Variants in EXOC5 observed in about 807,000 individuals in gnomAD.
The protein encoded by EXOC5 is exocyst complex component 5.
Under a neutral mutation model 90.8 loss-of-function variants are expected in EXOC5, and 17 were observed. That is an observed-to-expected ratio of 0.19 (90% confidence interval 0.13 to 0.28). EXOC5 has a LOEUF of 0.28. EXOC5 is among the 10% of genes least tolerant of loss of function. The probability of loss-of-function intolerance (pLI) is 1.00; values close to 1 mark genes in which losing one functional copy is unlikely to be tolerated. For missense variants in EXOC5, 569 were observed against 830.6 expected (o/e 0.69, Z 3.87); for synonymous variants, 260 against 270.0 (o/e 0.96, Z 0.36).
intron 4 of EXOC5, 57 bp downstream of exon 4, chr14:57,244,108 T>C: frequency 8.6e-7 from 1 of 1,168,132 alleles, no homozygotes; most frequent in South Asian, 1.3e-5. Context: ...TTGCAGCTCA[T>C]AATTAGGGCA....
intron 1 of EXOC5, among the ~76,000 whole-genome samples, chr14:57,253,063 C>A (rs1884240003): frequency 6.6e-6 from 1 of 152,080 alleles, no homozygotes; most frequent in Non-Finnish European, 1.5e-5. Flanking sequence ...TGACCTCACT[C>A]ATATGTGGAA....
intron 15 of EXOC5, among the ~76,000 whole-genome samples, chr14:57,215,912 TTAGA>T (rs1161401889): frequency 3.9e-5 from 6 of 152,106 alleles, no homozygotes; most frequent in Non-Finnish European, 8.8e-5. Context: ...TGATATGATC[TTAGA>T]TAGAGAAAAC....
At chr14:57,225,198 GAAGA>G (rs1883268675) in intron 12 of EXOC5, among the ~76,000 whole-genome samples, 2 of 152,104 alleles carry the variant, frequency 1.3e-5, no homozygotes, top group South Asian at 4.1e-4. Context: ...GTTTATCAAA[GAAGA>G]AATGCAAGGC....
intron 12 of EXOC5, among the ~76,000 whole-genome samples, chr14:57,229,421 GA>G (rs552566035): frequency 8.0e-5 from 12 of 149,474 alleles, no homozygotes; most frequent in Non-Finnish European, 1.8e-4. Context: ...AAATATTCAA[GA>G]AAAAAAAAGA....
intron 12 of EXOC5, among the ~76,000 whole-genome samples, chr14:57,229,014 G>A (rs952601652): frequency 6.6e-6 from 1 of 151,710 alleles, no homozygotes; most frequent in African/African-American, 2.4e-5. Context: ...TTATTAGAGA[G>A]GAAAATCTAA....
chr14:57,259,978 A>C (rs925075847), intron 1 of EXOC5, among the ~76,000 whole-genome samples: 4 of 152,190 alleles, frequency 2.6e-5, no homozygotes, highest in African/African-American at 9.7e-5. Flanking sequence ...CCAAAAAGGC[A>C]GGACCACCAC....
chr14:57,248,384 A>G (rs1884088750), intron 1 of EXOC5, among the ~76,000 whole-genome samples: 1 of 152,074 alleles, frequency 6.6e-6, no homozygotes, highest in African/African-American at 2.4e-5. Flanking sequence ...ATAGTTGACA[A>G]ATTAGGGTAA....
intron 13 of EXOC5, among the ~76,000 whole-genome samples, chr14:57,219,689 C>G (rs1041325561): frequency 2.0e-5 from 3 of 152,088 alleles, no homozygotes. Flanking sequence ...TTCACGTGAG[C>G]CATGAATACA....
intron 15 of EXOC5, chr14:57,211,582 C>G (rs1367393202): frequency 6.6e-6 from 1 of 152,280 alleles, no homozygotes; most frequent in East Asian, 1.9e-4. Flanking sequence ...ACCTTCCATA[C>G]TCCTGCCTCT....
At chr14:57,249,926 C>T (rs779322672) in intron 1 of EXOC5, among the ~76,000 whole-genome samples, 2 of 152,078 alleles carry the variant, frequency 1.3e-5, no homozygotes, top group Non-Finnish European at 2.9e-5. Flanking sequence ...GCATGCACCA[C>T]TATGCTTGGC....
In EXOC5 at chr14:57,247,439, A is replaced by G. The variant is rs76742849; in HGVS notation, c.122+179T>C. The stretch of plus-strand genomic sequence containing the variant: ...GCATACCAGTTAAATTGCTTCTTTA[A>G]AAGAACGTCAAAGAAAAAATCTCAA... On this transcript the variant is annotated intron_variant, in intron 2 of 17. Coordinates refer to ENST00000621441, the MANE Select transcript of EXOC5 (RefSeq NM_006544.4). Among the ~76,000 whole-genome samples the G allele has an allele frequency of 5.3e-3, 804 of 152,252 alleles. 11 individuals carry two copies. The highest frequency in any genetic ancestry group is 0.018 in the African/African-American group (762 of 41,556).
intron 12 of EXOC5, among the ~76,000 whole-genome samples, chr14:57,228,440 A>G (rs2139631054): frequency 6.6e-6 from 1 of 152,306 alleles, no homozygotes; most frequent in South Asian, 2.1e-4. Context: ...GATAGCAAAG[A>G]CTTGGAACCA....
rs1473469109 is a variant in EXOC5 at position 57,268,780 on chromosome 14, T to TC, written c.-133dup. ...TCCGGGCCGCTGCGGGCTCCCCAGC[T>TC]CCCCACAGATCCCAGGAGGGGCGGG... On this transcript the variant is annotated 5_prime_UTR_variant, in exon 1 of 18. An upstream open reading frame in the 5' UTR loses its in-frame stop. Transcript: ENST00000621441. The TC allele has an allele frequency of 4.9e-6, 7 of 1,429,840 alleles. No homozygotes were observed. The highest frequency in any genetic ancestry group is 6.4e-6 in the Non-Finnish European group (7 of 1,098,648). 88.6% of individuals were successfully genotyped at this position (1,429,840 alleles called of 1,614,324 possible).
At chr14:57,241,899 C>T (rs1038207991) in intron 4 of EXOC5, among the ~76,000 whole-genome samples, 42 of 151,954 alleles carry the variant, frequency 2.8e-4, no homozygotes, top group African/African-American at 9.6e-4. Context: ...TTTGGGAGGC[C>T]GAGGTGGGCG....
chr14:57,245,721 G>A (rs1413842683), intron 3 of EXOC5, among the ~76,000 whole-genome samples: 2 of 152,098 alleles, frequency 1.3e-5, no homozygotes, highest in Non-Finnish European at 2.9e-5. Flanking sequence ...AATGATCCCT[G>A]AGAGGCAGCA....
chr14:57,209,075 A>AT (rs1231787439), intron 17 of EXOC5, among the ~76,000 whole-genome samples: 70 of 152,280 alleles, frequency 4.6e-4, no homozygotes, highest in Admixed American at 2.0e-3. Context: ...AACATACAGC[A>AT]TTTTTCATAA....
intron 15 of EXOC5, among the ~76,000 whole-genome samples, chr14:57,216,560 A>G (rs1477515382): frequency 6.6e-6 from 1 of 152,138 alleles, no homozygotes; most frequent in Non-Finnish European, 1.5e-5. Context: ...TCCTCTATAA[A>G]TGGTTCTGGA....
intron 14 of EXOC5, among the ~76,000 whole-genome samples, chr14:57,219,019 A>C (rs1883051863): frequency 6.6e-6 from 1 of 151,992 alleles, no homozygotes; most frequent in African/African-American, 2.4e-5. Flanking sequence ...AAATTTGCTG[A>C]GTTTCACTAA....
intron 14 of EXOC5, among the ~76,000 whole-genome samples, chr14:57,218,283 G>A (rs1034660247): frequency 2.0e-5 from 3 of 152,038 alleles, no homozygotes; most frequent in African/African-American, 7.2e-5. Flanking sequence ...AAAAACAACC[G>A]ATTAAAAGGG....
Sources: gnomAD v4.1 joint callset for allele counts (sites outside exome capture counted in the v4.1 genomes callset) on GRCh38, gnomAD v4.1.1 for gene constraint, MANE v1.5 for transcripts, NCBI Gene and HGNC (gene_info 2026-07-23, HGNC 2026-07-21) for gene names.